Variants in MNT observed in about 807,000 individuals in gnomAD.
MNT encodes the protein MAX network transcriptional repressor.
MNT carries 13 observed loss-of-function variants against 40.7 expected under a neutral mutation model. The ratio of observed to expected loss-of-function variants is 0.32; its 90% CI spans 0.21 to 0.51. The LOEUF is 0.51. Among genes scored for constraint, MNT ranks in the 20% least tolerant of loss-of-function variants. The pLI is 0.98. For synonymous variants in MNT, 426 were observed against 354.8 expected (o/e 1.20, Z -2.26); for missense variants, 757 against 792.0 (o/e 0.96, Z 0.53).
In MNT at chr17:2,387,611, G is replaced by C. The variant is rs1050800917; in HGVS notation, c.1039C>G (p.Arg347Gly). 5.0e-6 allele frequency: 8 copies of C among 1,613,958 alleles called. No individual in the cohort carries two copies. Among genetic ancestry groups the C allele is most frequent in the Non-Finnish European group, 6.8e-6 (8 of 1,179,998 alleles). The change falls in exon 6 of 6, where the codon CGG becomes GGG. Residue 347 changes from arginine to glycine, a missense_variant. Arg to Gly is a moderately radical substitution (Grantham distance 125). Coordinates refer to ENST00000174618, the MANE Select transcript of MNT (RefSeq NM_020310.3). The stretch of plus-strand genomic sequence containing the variant: ...AGCTTAGGTGGGCCCAGGCCCGCCC[G>C]GTCCTCCTCCATATCCTCGTCTATG... ...DNIDEDMEED[R>G]AGLGPPKLSH...
rs1372509286 is a variant in MNT at position 2,400,727 on chromosome 17, C to A, written c.-15G>T. ...TCTATGCTCATCGCGCCGAGAGCTG[C>A]CGGGGGCGCGCCGGGGCCGAGGCTG... On this transcript the variant is annotated 5_prime_UTR_variant, in exon 1 of 6. Coordinates refer to ENST00000174618, the MANE Select transcript of MNT (RefSeq NM_020310.3). 2 of 1,539,128 alleles carry A rather than the reference C, an allele frequency of 1.3e-6. No individual in the cohort carries two copies. Among genetic ancestry groups the A allele is most frequent in the African/African-American group, 1.4e-5 (1 of 69,770 alleles).
Position 2,399,710 on chromosome 17 carries a change from A to G in MNT, c.73+930T>C, listed in dbSNP as rs1300827716. ...GGAGGGGCCGGGCCGCGCCGTCCCC[A>G]GCAGGAGTGTCCCCGGTGCACGTGG... is the stretch of plus-strand genomic sequence containing the variant. On this transcript the variant is annotated intron_variant, in intron 1 of 5. Coordinates refer to ENST00000174618, the MANE Select transcript of MNT (RefSeq NM_020310.3). Among the ~76,000 whole-genome samples, 7 of 152,230 alleles carry G rather than the reference A, an allele frequency of 4.6e-5. No homozygotes were observed. In the East Asian group the frequency reaches 1.4e-3, roughly 29 times the overall value.
intron 4 of MNT, chr17:2,389,281 G>A (rs1381504496): frequency 6.7e-6 from 1 of 149,986 alleles, no homozygotes; most frequent in Non-Finnish European, 1.5e-5. Context: ...TTTTTTTACT[G>A]TTTGTTTTTT....
intron 1 of MNT, among the ~76,000 whole-genome samples, chr17:2,396,078 G>A (rs748479471): frequency 2.1e-4 from 32 of 152,300 alleles, no homozygotes; most frequent in East Asian, 1.2e-3. Flanking sequence ...GACGCTTGCC[G>A]TGCTCACAAG....
Position 2,387,231 on chromosome 17 carries a change from C to A in MNT, c.1419G>T (p.Ser473=). Residue 473 remains serine, a synonymous_variant, in exon 6 of 6, where the codon TCG becomes TCT. Coordinates refer to ENST00000174618, the MANE Select transcript of MNT (RefSeq NM_020310.3). ...GGKHIAHIAP[S]APSPAVQLAP... is the part of the protein sequence containing the mutation. Reference sequence around the variant, plus strand: ...CCAGTTGCACCGCAGGGCTGGGGGCCGAGGGGGCGATGTGGGCGATGTGCT... The same window carrying A: ...CCAGTTGCACCGCAGGGCTGGGGGCAGAGGGGGCGATGTGGGCGATGTGCT... 1 of 1,611,432 alleles carries A rather than the reference C, an allele frequency of 6.2e-7. No individual in the cohort carries two copies. Among genetic ancestry groups the A allele is most frequent in the Admixed American group, 1.7e-5 (1 of 59,632 alleles).
At chr17:2,389,600 T>C (rs1251663666) in intron 4 of MNT, 1 of 152,358 alleles carries the variant, frequency 6.6e-6, no homozygotes, top group East Asian at 1.9e-4. Flanking sequence ...TTTGATTCTC[T>C]GTCAGCCCTC....
At chr17:2,392,312 T>A (rs987835316) in intron 4 of MNT, among the ~76,000 whole-genome samples, 1 of 152,144 alleles carries the variant, frequency 6.6e-6, no homozygotes, top group Non-Finnish European at 1.5e-5. Flanking sequence ...CCAGAATGGG[T>A]GTCCCTTCTG....
intron 4 of MNT, among the ~76,000 whole-genome samples, chr17:2,393,472 A>G (rs2066542740): frequency 6.6e-6 from 1 of 151,972 alleles, no homozygotes; most frequent in South Asian, 2.1e-4. Flanking sequence ...CCGCCCAGTC[A>G]AATCGGAGTT....
At chr17:2,387,794 G>A (rs2066479685) in intron 5 of MNT, 63 bp downstream of exon 5, 6 of 1,553,724 alleles carry the variant, frequency 3.9e-6, no homozygotes, top group South Asian at 1.2e-5. Context: ...CCTGGCCAGG[G>A]AGGCTGGAAT....
rs2066611459 is a variant in MNT at position 2,401,017 on chromosome 17, G to A, written c.-305C>T. On this transcript the variant is annotated 5_prime_UTR_variant, in exon 1 of 6. Transcript: ENST00000174618. ...CCCTTCCGATGCCTCCCGCCCCGCG[G>A]CCCCCGGGAGTCCCGCCGACAAGAA... The A allele has an allele frequency of 2.2e-5, 6 of 267,678 alleles. No individual in the cohort carries two copies. The South Asian group carries it at 3.2e-4, about 14-fold the overall frequency. 16.6% of individuals were successfully genotyped at this position (267,678 alleles called of 1,614,324 possible).
At chr17:2,399,488 G>C (rs1185134852) in intron 1 of MNT, among the ~76,000 whole-genome samples, 3 of 152,216 alleles carry the variant, frequency 2.0e-5, no homozygotes, top group Non-Finnish European at 4.4e-5. Flanking sequence ...GCGATTCTGA[G>C]GGTTTCCCTT....
At chr17:2,389,033 TC>T (rs2066491637) in intron 4 of MNT, among the ~76,000 whole-genome samples, 1 of 151,512 alleles carries the variant, frequency 6.6e-6, no homozygotes, top group African/African-American at 2.4e-5. Flanking sequence ...GCCTTGGTTT[TC>T]CTCTCTGAAC....
chr17:2,399,355 G>A (rs56746904), intron 1 of MNT, among the ~76,000 whole-genome samples: 11,914 of 152,216 alleles, frequency 0.078, 618 homozygotes, highest in African/African-American at 0.13. Context: ...TCGAGGGAGC[G>A]CCGAAGTTTG....
At position 2,384,985 on chromosome 17, in the gene MNT, A is replaced by G. The variant is rs931509712; in HGVS notation, c.*1916T>C. The G allele has an allele frequency of 2.0e-5, 3 of 152,242 alleles. No homozygotes were observed. Among genetic ancestry groups the G allele is most frequent in the Non-Finnish European group, 2.9e-5 (2 of 68,084 alleles). The allele number at this position is 152,242 out of a possible 1,614,324, so 9.4% of individuals were successfully genotyped here. A position where few individuals can be genotyped will look rare whatever the true frequency, so the allele number is the denominator to read the frequency against. Reference sequence around the variant, plus strand: ...GGGGCGAGCTCCACGAGGCTGCTCTAACTGCCCCGTGGGTCAGGCCTGCCA... The same window carrying G: ...GGGGCGAGCTCCACGAGGCTGCTCTGACTGCCCCGTGGGTCAGGCCTGCCA... On this transcript the variant is annotated 3_prime_UTR_variant, in exon 6 of 6. Transcript: ENST00000174618.
At chr17:2,399,288 G>A (rs919129271) in intron 1 of MNT, among the ~76,000 whole-genome samples, 2 of 152,126 alleles carry the variant, frequency 1.3e-5, no homozygotes, top group African/African-American at 4.8e-5. Context: ...GCAGCACCCT[G>A]AAGCCAGGGA....
Position 2,395,158 on chromosome 17 carries a change from C to A in MNT, c.370G>T (p.Val124Phe). 1 of 1,458,634 alleles carries A rather than the reference C, an allele frequency of 6.9e-7. No homozygotes were observed. Among genetic ancestry groups the A allele is most frequent in the Non-Finnish European group, 9.0e-7 (1 of 1,109,072 alleles). The allele number at this position is 1,458,634 out of a possible 1,614,324, so 90.4% of individuals were successfully genotyped here. Reference protein sequence around the residue: ...LPLAPRQPALVGAPGLSIKEP... With the variant: ...LPLAPRQPALFGAPGLSIKEP... ...TTAATGCTGAGTCCGGGGGCGCCAA[C>A]CAGGGCCGGCTGACGAGGCGCCAGG... Residue 124 changes from valine to phenylalanine, a missense_variant, in exon 2 of 6, where the codon GTT becomes TTT. Val to Phe is a conservative substitution (Grantham distance 50). Coordinates refer to ENST00000174618, the MANE Select transcript of MNT (RefSeq NM_020310.3).
Position 2,387,190 on chromosome 17 carries a change from G to C in MNT, c.1460C>G (p.Pro487Arg), listed in dbSNP as rs1202975870. The part of the protein sequence containing the change: ...PAVQLAPATP[P>R]IGHITVHPAT... The stretch of plus-strand genomic sequence containing the variant: ...AGGGTGCACAGTGATGTGCCCAATG[G>C]GGGGTGTGGCAGGCGCCAGTTGCAC... The change falls in exon 6 of 6, where the codon CCC becomes CGC. Residue 487 changes from proline (P) to arginine (R), a missense_variant. Transcript: ENST00000174618. The C allele has an allele frequency of 1.2e-6, 2 of 1,608,390 alleles. No homozygotes were observed. The highest frequency in any genetic ancestry group is 1.3e-5 in the African/African-American group (1 of 74,924).
At chr17:2,388,425 G>T in intron 4 of MNT, 1 of 205,718 alleles carries the variant, frequency 4.9e-6, no homozygotes. Flanking sequence ...CTGATCCTGC[G>T]CTTCCACCTC....
At position 2,387,929 on chromosome 17, in the gene MNT, G is replaced by C. The variant is rs375493538; in HGVS notation, c.928C>G (p.Leu310Val). 6.2e-7 allele frequency: 1 copy of C among 1,609,770 alleles called. No homozygotes were observed. The highest frequency in any genetic ancestry group is 1.3e-5 in the African/African-American group (1 of 74,860). The change falls in exon 5 of 6, where the codon CTG (leucine) becomes GTG (valine). Residue 310 changes from leucine (L) to valine (V), a missense_variant. Physicochemically the swap from Leu to Val is conservative, Grantham distance 32. Transcript: ENST00000174618. The part of the protein sequence containing the change: ...KHELSQWMDV[L>V]EIDRVLRQTG... ...TGCCGCAGCACGCGGTCAATCTCCA[G>C]TACGTCCATCCACTGGCTCAGCTCG...
Sources: allele counts gnomAD v4.1 joint callset (sites outside exome capture counted in the v4.1 genomes callset), GRCh38; gene constraint gnomAD v4.1.1; transcripts MANE v1.5; gene names NCBI Gene and HGNC (gene_info 2026-07-23, HGNC 2026-07-21).